Variants in VSIG10 observed in about 807,000 individuals in gnomAD.
The protein encoded by VSIG10 is V-set and immunoglobulin domain containing 10, also known as V-set and immunoglobulin domain-containing protein 10.
VSIG10 carries 48 observed loss-of-function variants against 58.7 expected under a neutral mutation model. The observed-to-expected ratio is 0.82, with a 90% confidence interval of 0.65 to 1.04. The LOEUF (loss-of-function observed/expected upper bound fraction) is 1.04. VSIG10 is among the 50% of genes least tolerant of loss of function. The pLI is 0.00. For synonymous variants in VSIG10, 260 were observed against 267.1 expected (o/e 0.97, Z 0.26); for missense variants, 628 against 670.0 (o/e 0.94, Z 0.69).
intron 3 of VSIG10, 143 bp downstream of exon 3, chr12:118,081,984 T>A: frequency 1.0e-6 from 1 of 986,488 alleles, no homozygotes; most frequent in Non-Finnish European, 1.4e-6. Context: ...AACTTTGCAC[T>A]CCAGCCTGGG....
intron 3 of VSIG10, among the ~76,000 whole-genome samples, chr12:118,080,815 G>C (rs2032922559): frequency 2.0e-5 from 3 of 152,204 alleles, no homozygotes; most frequent in Admixed American, 1.3e-4. Context: ...GAAGTGTACA[G>C]AACAGGCAAA....
rs765130266 is a variant in VSIG10, at chr12:118,082,194, G to A, written c.597C>T (p.Tyr199=). Residue 199 remains tyrosine (Y), a synonymous_variant, in exon 3 of 9, where the codon TAC becomes TAT. Transcript: ENST00000359236. ...LLISPNLQGN[Y]TCLALNQLSK... ...TGAGCTGATTCAAGGCTAAACAGGT[G>A]TAGTTCCCTTGGAGGTTTGGCGATA... The A allele has an allele frequency of 3.7e-6, 6 of 1,613,988 alleles. No homozygotes were observed. Among genetic ancestry groups the A allele is most frequent in the South Asian group, 1.1e-5 (1 of 91,076 alleles).
intron 5 of VSIG10, among the ~76,000 whole-genome samples, chr12:118,072,768 C>T (rs565927420): frequency 3.3e-5 from 5 of 152,050 alleles, no homozygotes; most frequent in Non-Finnish European, 7.4e-5. Flanking sequence ...GGTTACCTTT[C>T]GAGAGAGGCC....
Position 118,071,045 on chromosome 12 carries a change from C to T in VSIG10, c.1346+7G>A, listed in dbSNP as rs548807691. On this transcript the variant is annotated splice_region_variant and intron_variant, in intron 7 of 8. Coordinates refer to ENST00000359236, the MANE Select transcript of VSIG10 (RefSeq NM_019086.6). ...GGGTGTTTGGTTTGATTCTAGGGAA[C>T]ACTCACCTGGAAGTGTTTCCTACTG... The T allele has an allele frequency of 3.3e-5, 53 of 1,601,700 alleles. No homozygotes were observed. In the South Asian group the frequency reaches 5.8e-4, roughly 17 times the overall value.
At position 118,067,872 on chromosome 12, in the gene VSIG10, T is replaced by C. The variant is rs79723502; in HGVS notation, c.1567+505A>G. Among the ~76,000 whole-genome samples, 551 of 152,254 alleles carry C rather than the reference T, an allele frequency of 3.6e-3. 7 individuals are homozygous for C. The highest frequency in any genetic ancestry group is 0.012 in the African/African-American group (507 of 41,546). On this transcript the variant is annotated intron_variant, in intron 8 of 8. Coordinates refer to ENST00000359236, the MANE Select transcript of VSIG10 (RefSeq NM_019086.6). Reference sequence around the variant, plus strand: ...CTAGACCAGGACCTTGATAAGTGTTTGTCAATTTGATTTTCATGTTGGTAG... The same window carrying C: ...CTAGACCAGGACCTTGATAAGTGTTCGTCAATTTGATTTTCATGTTGGTAG...
rs770341035 is a variant in VSIG10 at position 118,079,515 on chromosome 12, A to T, written c.756T>A (p.Pro252=). Residue 252 remains proline, a synonymous_variant, in exon 4 of 9, where the codon CCT becomes CCA. Transcript: ENST00000359236. ...CTTCTATCCACAGGAAGTCAGGGTC[A>T]GGGTATCCCCCATCCCAGCGACAGG... is the stretch of plus-strand genomic sequence containing the variant. ...QLTCRWDGGY[P]DPDFLWIEEP... is the part of the protein sequence containing the mutation. The T allele has an allele frequency of 4.6e-5, 74 of 1,613,938 alleles. No individual in the cohort carries two copies. The highest frequency in any genetic ancestry group is 5.7e-5 in the Non-Finnish European group (67 of 1,179,916).
chr12:118,071,070 G>T lies in VSIG10; in HGVS notation c.1331-3C>A, dbSNP rs890552878. On this transcript the variant is annotated splice_region_variant and splice_polypyrimidine_tract_variant and intron_variant, in intron 6 of 8. Transcript: ENST00000359236. The stretch of plus-strand genomic sequence containing the variant: ...CACTCACCTGGAAGTGTTTCCTACT[G>T]AAGAGAGAAAGGAAAAACCATTAAT... 6.3e-7 allele frequency: 1 copy of T among 1,597,476 alleles called. No homozygotes were observed. The highest frequency in any genetic ancestry group is 8.5e-7 in the Non-Finnish European group (1 of 1,171,518).
chr12:118,068,546 CTCT>C lies in VSIG10; in HGVS notation c.1395_1397del (p.Glu474del), dbSNP rs757568692. On this transcript the variant is annotated inframe_deletion, in exon 8 of 9. Transcript: ENST00000359236. ...CTTCCTCCTCCTCCTCCTCCTCCTCCTCTTCCTCTTCTGAATCCACCAAAACCA... is the reference window on the plus strand; with the variant it reads ...CTTCCTCCTCCTCCTCCTCCTCCTCCTCCTCTTCTGAATCCACCAAAACCA... The C allele has an allele frequency of 8.2e-6, 13 of 1,593,276 alleles. No individual in the cohort carries two copies. The African/African-American group carries it at 1.3e-4, about 16-fold the overall frequency.
chr12:118,071,207 GT>G, intron 6 of VSIG10, 140 bp from the exon 7 acceptor site: 1 of 1,189,476 alleles, frequency 8.4e-7, no homozygotes, highest in East Asian at 2.5e-5. Context: ...TCCCGGGATG[GT>G]ACTTAGGTGA....
chr12:118,097,193 G>A (rs2033485602), intron 1 of VSIG10, among the ~76,000 whole-genome samples: 1 of 152,182 alleles, frequency 6.6e-6, no homozygotes, highest in Non-Finnish European at 1.5e-5. Flanking sequence ...CCACATCACT[G>A]GGGGGCCATC....
At chr12:118,076,291 C>T (rs185146152) in intron 4 of VSIG10, among the ~76,000 whole-genome samples, 29 of 151,776 alleles carry the variant, frequency 1.9e-4, no homozygotes, top group Admixed American at 5.3e-4. Flanking sequence ...GGGCTAAATT[C>T]GGCCCAGGAT....
rs1234525871 is a variant in VSIG10, at chr12:118,089,044, G to A, written c.361+6489C>T. The stretch of plus-strand genomic sequence containing the variant: ...CTCACTGCAACCTCCGCCCTCCCCG[G>A]TTGAAGCTTTTCTTGTGTGTCAGCC... On this transcript the variant is annotated intron_variant, in intron 2 of 8. Coordinates refer to ENST00000359236, the MANE Select transcript of VSIG10 (RefSeq NM_019086.6). Among the ~76,000 whole-genome samples, 3 of 151,816 alleles carry A rather than the reference G, an allele frequency of 2.0e-5. No homozygotes were observed. The East Asian group carries it at 5.8e-4, about 29-fold the overall frequency.
chr12:118,095,183 G>A (rs1012800622), intron 2 of VSIG10, among the ~76,000 whole-genome samples: 13 of 151,690 alleles, frequency 8.6e-5, no homozygotes, highest in Non-Finnish European at 1.8e-4. Context: ...GATTACAGGC[G>A]TAAGCCACCG....
chr12:118,088,530 C>CGTT (rs2033199698), intron 2 of VSIG10, among the ~76,000 whole-genome samples: 1 of 152,170 alleles, frequency 6.6e-6, no homozygotes, highest in African/African-American at 2.4e-5. Flanking sequence ...GTCATCTGGA[C>CGTT]CACTCCGAAA....
intron 7 of VSIG10, among the ~76,000 whole-genome samples, chr12:118,069,422 C>T (rs370881253): frequency 5.2e-4 from 58 of 111,622 alleles, no homozygotes; most frequent in Non-Finnish European, 7.4e-4. Flanking sequence ...TCTTCTTCTT[C>T]TTCTTTTTTT....
Position 118,071,467 on chromosome 12 carries a change from G to A in VSIG10, c.1222C>T (p.Pro408Ser). The change falls in exon 6 of 9, where the codon CCT becomes TCT. Residue 408 changes from proline to serine, a missense_variant and splice_region_variant. Transcript: ENST00000359236. ...EMEIWLSVKE[P>S]LNIGGIVGTI... ...CCCACAATCCCCCCGATATTTAAAG[G>A]TTCTGTAAAGACAAATCACACCATT... The A allele has an allele frequency of 6.2e-7, 1 of 1,613,344 alleles. No homozygotes were observed. Among genetic ancestry groups the A allele is most frequent in the Non-Finnish European group, 8.5e-7 (1 of 1,179,346 alleles).
intron 2 of VSIG10, among the ~76,000 whole-genome samples, chr12:118,094,158 CTATTGAT>C (rs2033378212): frequency 3.3e-5 from 5 of 151,750 alleles, no homozygotes; most frequent in African/African-American, 2.4e-5. Flanking sequence ...AGTGCAGTGG[CTATTGAT>C]AGGTGCAATT....
At chr12:118,097,476 G>T (rs944567360) in intron 1 of VSIG10, among the ~76,000 whole-genome samples, 1 of 149,442 alleles carries the variant, frequency 6.7e-6, no homozygotes, top group African/African-American at 2.5e-5. Flanking sequence ...TTAGCCAGGC[G>T]TGGTGGCGCA....
chr12:118,074,104 T>G, intron 4 of VSIG10, 112 bp from the exon 5 acceptor site: 1 of 1,306,198 alleles, frequency 7.7e-7, no homozygotes, highest in South Asian at 1.6e-5. Flanking sequence ...TGTTTTGAGA[T>G]GGAGGTTTTG....
Sources: allele counts gnomAD v4.1 joint callset (sites outside exome capture counted in the v4.1 genomes callset), GRCh38; gene constraint gnomAD v4.1.1; transcripts MANE v1.5; gene names NCBI Gene and HGNC (gene_info 2026-07-23, HGNC 2026-07-21).